Variants in GYPC observed in about 807,000 individuals in gnomAD.
The protein encoded by GYPC is glycophorin C (Gerbich blood group).
GYPC carries 14 observed loss-of-function variants against 12.6 expected under a neutral mutation model. That is an observed-to-expected ratio of 1.11 (90% CI 0.74 to 1.74). The LOEUF (loss-of-function observed/expected upper bound fraction) is 1.74. Ranked by LOEUF, GYPC falls within the 40% of genes most tolerant of loss-of-function variation. The pLI is 0.00. For missense variants in GYPC, 225 were observed against 172.1 expected (o/e 1.31, Z -1.72); for synonymous variants, 78 against 62.1 (o/e 1.26, Z -1.20).
At chr2:126,682,868 C>G (rs1683187248) in intron 1 of GYPC, among the ~76,000 whole-genome samples, 1 of 152,226 alleles carries the variant, frequency 6.6e-6, no homozygotes, top group African/African-American at 2.4e-5. Flanking sequence ...CCAGGAGCTT[C>G]CCAGACGTAA....
intron 1 of GYPC, chr2:126,658,033 C>T (rs867710138): frequency 2.0e-5 from 3 of 152,392 alleles, no homozygotes; most frequent in Non-Finnish European, 2.9e-5. Context: ...CTGCTCAGCT[C>T]AGCTGGGCTA....
intron 3 of GYPC, 68 bp downstream of exon 3, chr2:126,694,015 G>T: frequency 9.3e-7 from 1 of 1,073,688 alleles, no homozygotes; most frequent in Non-Finnish European, 1.5e-6. Context: ...ATCCAGGGGA[G>T]AACTGACCTA....
intron 1 of GYPC, among the ~76,000 whole-genome samples, chr2:126,689,129 A>G (rs1386711273): frequency 2.0e-5 from 3 of 152,194 alleles, no homozygotes; most frequent in African/African-American, 7.2e-5. Flanking sequence ...ATAATGTCAT[A>G]GAGTGGTCCT....
chr2:126,683,947 C>T (rs537926197), intron 1 of GYPC, among the ~76,000 whole-genome samples: 1 of 152,316 alleles, frequency 6.6e-6, no homozygotes, highest in East Asian at 1.9e-4. Flanking sequence ...CTCACCTTTG[C>T]AGGCCTCTAC....
chr2:126,682,974 G>C (rs898458986), intron 1 of GYPC, among the ~76,000 whole-genome samples: 2 of 152,178 alleles, frequency 1.3e-5, no homozygotes, highest in African/African-American at 4.8e-5. Context: ...TGGGGGTCAG[G>C]CTGGGGGAAT....
At chr2:126,678,561 C>T (rs1683074399) in intron 1 of GYPC, 1 of 152,298 alleles carries the variant, frequency 6.6e-6, no homozygotes, top group Non-Finnish European at 1.5e-5. Context: ...TCACGGAGCC[C>T]TCTCTGGCTA....
chr2:126,682,607 T>C (rs1219063415), intron 1 of GYPC, among the ~76,000 whole-genome samples: 1 of 152,172 alleles, frequency 6.6e-6, no homozygotes, highest in Non-Finnish European at 1.5e-5. Flanking sequence ...CCACTTCCGC[T>C]GTGAAGATCC....
intron 1 of GYPC, among the ~76,000 whole-genome samples, chr2:126,685,046 T>C (rs959284663): frequency 4.6e-5 from 7 of 151,982 alleles, no homozygotes; most frequent in African/African-American, 9.7e-5. Context: ...CATTTATTTC[T>C]TGGGGGCACT....
At chr2:126,664,959 C>T in intron 1 of GYPC, among the ~76,000 whole-genome samples, 1 of 152,074 alleles carries the variant, frequency 6.6e-6, no homozygotes. Context: ...CTTTCTCTCT[C>T]TCTCTCTCTC....
intron 1 of GYPC, among the ~76,000 whole-genome samples, chr2:126,662,753 G>A (rs903217004): frequency 3.3e-5 from 5 of 152,150 alleles, no homozygotes; most frequent in Admixed American, 6.5e-5. Flanking sequence ...GGCTTTGTTC[G>A]GAGGATTCAG....
At chr2:126,692,323 T>C (rs566733415) in intron 2 of GYPC, among the ~76,000 whole-genome samples, 13 of 152,232 alleles carry the variant, frequency 8.5e-5, no homozygotes, top group East Asian at 1.9e-4. Context: ...GCTTGGCCCA[T>C]CTGTGTCCTG....
At chr2:126,689,285 G>C (rs1307820514) in intron 1 of GYPC, among the ~76,000 whole-genome samples, 3 of 152,156 alleles carry the variant, frequency 2.0e-5, no homozygotes, top group Non-Finnish European at 4.4e-5. Flanking sequence ...TACCGGATGA[G>C]CTGTGTGATC....
intron 1 of GYPC, among the ~76,000 whole-genome samples, chr2:126,666,346 G>C (rs1682676925): frequency 6.6e-6 from 1 of 152,232 alleles, no homozygotes. Context: ...CTGTGTTAAA[G>C]TACAACAAGC....
chr2:126,665,254 T>TGAGAGA (rs28387107), intron 1 of GYPC, among the ~76,000 whole-genome samples: 1 of 151,420 alleles, frequency 6.6e-6, no homozygotes, highest in African/African-American at 2.4e-5. Context: ...AGTAAGATAC[T>TGAGAGA]GAGAGAGAGA....
intron 1 of GYPC, among the ~76,000 whole-genome samples, chr2:126,665,828 G>A (rs1354613587): frequency 6.6e-6 from 1 of 152,192 alleles, no homozygotes; most frequent in Admixed American, 6.5e-5. Flanking sequence ...ATTAATTCCA[G>A]TTTAGGAAGA....
intron 1 of GYPC, among the ~76,000 whole-genome samples, chr2:126,670,336 C>A (rs1573561604): frequency 6.6e-6 from 1 of 152,308 alleles, no homozygotes; most frequent in East Asian, 1.9e-4. Flanking sequence ...CACTGTGCAG[C>A]GCCTCTCCAA....
intron 3 of GYPC, among the ~76,000 whole-genome samples, chr2:126,694,174 G>A (rs980957008): frequency 6.6e-6 from 1 of 152,046 alleles, no homozygotes; most frequent in African/African-American, 2.4e-5. Flanking sequence ...CCTTTCTCAG[G>A]GCTTTTGACT....
At chr2:126,678,315 G>T (rs1392924693) in intron 1 of GYPC, 1 of 152,262 alleles carries the variant, frequency 6.6e-6, no homozygotes, top group East Asian at 1.9e-4. Flanking sequence ...TCAAATGCGA[G>T]TCTGACATAA....
chr2:126,696,109 T>C lies in GYPC; in HGVS notation c.354T>C (p.Ala118=), dbSNP rs752104145. 6.2e-7 allele frequency: 1 copy of C among 1,614,054 alleles called. No homozygotes were observed. Residue 118 remains alanine (A), a synonymous_variant, in exon 4 of 4, where the codon GCT becomes GCC. Transcript: ENST00000259254. ...AGGGAGACCCTGCCCTCCAAGATGC[T>C]GGTGATAGCAGCAGAAAGGAGTACT... is the stretch of plus-strand genomic sequence containing the variant. The part of the protein sequence containing the change: ...ALQGDPALQD[A]GDSSRKEYFI
Sources: allele counts gnomAD v4.1 joint callset (sites outside exome capture counted in the v4.1 genomes callset), GRCh38; gene constraint gnomAD v4.1.1; transcripts MANE v1.5; gene names NCBI Gene and HGNC (gene_info 2026-07-23, HGNC 2026-07-21).